The following GRIN1 variants were observed in gnomAD, a reference collection of about 807,000 sequenced individuals.
The protein encoded by GRIN1 is glutamate ionotropic receptor NMDA type subunit 1.
A neutral mutation model predicts 103.0 loss-of-function variants in GRIN1; 38 were observed. The ratio of observed to expected loss-of-function variants is 0.37; its 90% CI spans 0.28 to 0.48. The LOEUF (loss-of-function observed/expected upper bound fraction) is 0.48, where lower values mean the gene tolerates loss of function less well. GRIN1 is among the 20% of genes least tolerant of loss of function. The probability of loss-of-function intolerance (pLI) is 0.98; values close to 1 mark genes in which losing one functional copy is unlikely to be tolerated. For missense variants in GRIN1, 577 were observed against 1,288.9 expected (o/e 0.45, Z 8.46); for synonymous variants, 544 against 532.7 (o/e 1.02, Z -0.29).
At position 137,167,965 on chromosome 9, in the gene GRIN1, CG is replaced by C; in HGVS notation, c.*439del. The C allele has an allele frequency of 1.2e-6, 1 of 858,202 alleles. No homozygotes were observed. Among genetic ancestry groups the C allele is most frequent in the South Asian group, 1.4e-5 (1 of 70,006 alleles). 53.2% of individuals were successfully genotyped at this position (858,202 alleles called of 1,614,324 possible). A position where few individuals can be genotyped will look rare whatever the true frequency, so the allele number is the denominator to read the frequency against. ...GACTGCCCACCCTGGGCCTCCCGTC[CG>C]TCCGCCCGCCCACCCCGCTGCCTGG... On this transcript the variant is annotated 3_prime_UTR_variant, in exon 20 of 20. Transcript: ENST00000371561.
chr9:137,165,302 G>A lies in GRIN1; in HGVS notation c.2700+6G>A, dbSNP rs1366596507. ...GTAGGTCCTCCAAAGACACGGTAAG[G>A]GGGAGAGCACCCCAGTCCCGCGTCC... On this transcript the variant is annotated splice_donor_region_variant and intron_variant, in intron 19 of 19. Transcript: ENST00000371561. 5 of 1,564,060 alleles carry A rather than the reference G, an allele frequency of 3.2e-6. No individual in the cohort carries two copies. The highest frequency in any genetic ancestry group is 1.7e-5 in the Admixed American group (1 of 59,982).
At chr9:137,152,680 C>T (rs1420279275) in intron 4 of GRIN1, among the ~76,000 whole-genome samples, 1 of 152,166 alleles carries the variant, frequency 6.6e-6, no homozygotes, top group Non-Finnish European at 1.5e-5. Flanking sequence ...CGTTTCCAGA[C>T]ATGGCCCTAA....
chr9:137,141,995 T>G lies in GRIN1; in HGVS notation c.259-18T>G, dbSNP rs375499059. 2 of 1,613,944 alleles carry G rather than the reference T, an allele frequency of 1.2e-6. No homozygotes were observed. Among genetic ancestry groups the G allele is most frequent in the African/African-American group, 1.3e-5 (1 of 74,904 alleles). ...GCTCACCCCTGACTCAAGCTGATCATGTCTCCTGTGTCCACAGGTCTACGC... is the reference window on the plus strand; with the variant it reads ...GCTCACCCCTGACTCAAGCTGATCAGGTCTCCTGTGTCCACAGGTCTACGC... On this transcript the variant is annotated intron_variant, in intron 1 of 19. Transcript: ENST00000371561.
At chr9:137,163,433 C>A in intron 16 of GRIN1, 103 bp downstream of exon 16, 1 of 1,487,040 alleles carries the variant, frequency 6.7e-7, no homozygotes. Context: ...ATTTCCCACC[C>A]AGGCCGGGCG....
At chr9:137,160,318 C>T (rs1171167961) in intron 8 of GRIN1, among the ~76,000 whole-genome samples, 1 of 152,190 alleles carries the variant, frequency 6.6e-6, no homozygotes, top group Non-Finnish European at 1.5e-5. Context: ...TGGACATGCC[C>T]CTGTCCTCGT....
chr9:137,159,801 G>A (rs971746296), intron 8 of GRIN1, among the ~76,000 whole-genome samples: 3 of 152,318 alleles, frequency 2.0e-5, no homozygotes, highest in Admixed American at 6.5e-5. Context: ...ACAAAATGCT[G>A]CCTGGAGGCT....
chr9:137,157,104 ATGGGCGGGGCCGCTCTTGGGGAGG>A (rs1404968288), intron 6 of GRIN1, 67 bp downstream of exon 6: 22 of 349,558 alleles, frequency 6.3e-5, no homozygotes, highest in East Asian at 1.9e-4. Flanking sequence ...CACTCCAGAG[ATGGGCGGGGCCGCTCTTGGGGAGG>A]TGGGCGGGGC....
chr9:137,167,876 C>A lies in GRIN1; in HGVS notation c.*349C>A. On this transcript the variant is annotated 3_prime_UTR_variant, in exon 20 of 20. Transcript: ENST00000371561. ...GAGGCGCCCACCTGCCCAGTTAGCC[C>A]GGCCAAGGACACTGATGGGTCCTGC... is the stretch of plus-strand genomic sequence containing the variant. 6.3e-7 allele frequency: 1 copy of A among 1,585,308 alleles called. No individual in the cohort carries two copies. Among genetic ancestry groups the A allele is most frequent in the Non-Finnish European group, 8.6e-7 (1 of 1,156,896 alleles).
intron 1 of GRIN1, among the ~76,000 whole-genome samples, chr9:137,140,814 G>A (rs891787295): frequency 2.6e-5 from 4 of 152,336 alleles, no homozygotes; most frequent in South Asian, 2.1e-4. Context: ...GGTGCAGGCT[G>A]GAAGCAAGAG....
chr9:137,160,380 G>A (rs1833464719), intron 8 of GRIN1, among the ~76,000 whole-genome samples: 1 of 152,138 alleles, frequency 6.6e-6, no homozygotes, highest in Non-Finnish European at 1.5e-5. Context: ...CTCACCCCAG[G>A]AAGATGCCTG....
At chr9:137,142,726 G>A (rs1330248965) in intron 2 of GRIN1, among the ~76,000 whole-genome samples, 1 of 152,246 alleles carries the variant, frequency 6.6e-6, no homozygotes, top group Non-Finnish European at 1.5e-5. Context: ...GGAAAGGGGT[G>A]TGCACGCAGC....
In GRIN1 at chr9:137,158,709, G is replaced by T. The variant is rs1305297537; in HGVS notation, c.1197+5G>T. On this transcript the variant is annotated splice_donor_5th_base_variant and intron_variant, in intron 8 of 19. Transcript: ENST00000371561. ...CAGATGTCCACCAGACTGAAGGTGG[G>T]GGCCCCACAGACCTCCCTCAGTGTC... The T allele has an allele frequency of 1.2e-6, 2 of 1,608,224 alleles. No homozygotes were observed. Among genetic ancestry groups the T allele is most frequent in the Non-Finnish European group, 1.7e-6 (2 of 1,175,900 alleles).
chr9:137,141,938 C>G (rs967228330), intron 1 of GRIN1, 75 bp from the exon 2 acceptor site: 5 of 1,529,554 alleles, frequency 3.3e-6, no homozygotes, highest in Non-Finnish European at 2.7e-6. Context: ...GCCCCTGCTG[C>G]TTCCAGATCT....
intron 4 of GRIN1, among the ~76,000 whole-genome samples, chr9:137,152,939 T>C (rs1351302818): frequency 3.4e-5 from 5 of 149,166 alleles, no homozygotes; most frequent in Non-Finnish European, 7.4e-5. Flanking sequence ...ACACCACATG[T>C]ACCATGCATA....
At chr9:137,160,485 A>C (rs1011370580) in intron 8 of GRIN1, among the ~76,000 whole-genome samples, 2 of 151,832 alleles carry the variant, frequency 1.3e-5, no homozygotes, top group East Asian at 1.9e-4. Context: ...GCTGGAGTGC[A>C]GTGGCGCGGT....
In GRIN1 at chr9:137,155,506, G is replaced by A. The variant is rs572980564; in HGVS notation, c.672-1163G>A. ...CTGGGGGCAGATCCCTCCTCAAGGA[G>A]GGGAGGGCCACCTTGGTTTCCAGTC... is the stretch of plus-strand genomic sequence containing the variant. On this transcript the variant is annotated intron_variant, in intron 4 of 19. Transcript: ENST00000371561. Among the ~76,000 whole-genome samples the A allele has an allele frequency of 1.1e-4, 17 of 152,362 alleles. No homozygotes were observed. In the South Asian group the frequency reaches 3.3e-3, roughly 30 times the overall value.
chr9:137,157,639 A>G (rs1327511108), intron 6 of GRIN1, among the ~76,000 whole-genome samples: 1 of 152,216 alleles, frequency 6.6e-6, no homozygotes, highest in Non-Finnish European at 1.5e-5. Flanking sequence ...GCCAAGGCCC[A>G]GAGACCCAAG....
chr9:137,161,170 G>A lies in GRIN1; in HGVS notation c.1312G>A (p.Gly438Arg), dbSNP rs1663092363. The A allele has an allele frequency of 1.2e-6, 2 of 1,611,914 alleles. No homozygotes were observed. Among genetic ancestry groups the A allele is most frequent in the Admixed American group, 1.7e-5 (1 of 59,948 alleles). ...CCCAGTCAAGAAGGTGATCTGCACC[G>A]GGCCCAACGACACGTCGCCGGGCAG... ...GDPVKKVICT[G>R]PNDTSPGSPR... Residue 438 changes from glycine to arginine, a missense_variant, in exon 9 of 20, where the codon GGG becomes AGG. By Grantham distance (125) the Gly-to-Arg change is moderately radical. Coordinates refer to ENST00000371561, the MANE Select transcript of GRIN1 (RefSeq NM_007327.4).
chr9:137,148,230 C>T (rs778737864), intron 3 of GRIN1: 14 of 1,528,244 alleles, frequency 9.2e-6, no homozygotes, highest in Admixed American at 3.9e-5. Flanking sequence ...TATGCATGGA[C>T]GTGCACGCCA....
Sources: gnomAD v4.1 joint callset for allele counts (sites outside exome capture counted in the v4.1 genomes callset) on GRCh38, gnomAD v4.1.1 for gene constraint, MANE v1.5 for transcripts, NCBI Gene and HGNC (gene_info 2026-07-23, HGNC 2026-07-21) for gene names.